GRIK2: variants seen among roughly 807,000 people sequenced by gnomAD.
GRIK2 encodes the protein glutamate receptor ionotropic, kainate 2.
In GRIK2, 32 loss-of-function variants were observed where a neutral mutation model predicts 100.3. The ratio of observed to expected loss-of-function variants is 0.32; its 90% CI spans 0.24 to 0.43. The LOEUF is 0.43. Among genes scored for constraint, GRIK2 ranks in the 20% least tolerant of loss-of-function variants. GRIK2 has a pLI of 1.00. For missense variants in GRIK2, 843 were observed against 1,114.9 expected (o/e 0.76, Z 3.47); for synonymous variants, 417 against 389.4 (o/e 1.07, Z -0.83).
chr6:101,961,461 C>A (rs1482643951), intron 14 of GRIK2, among the ~76,000 whole-genome samples: 1 of 152,124 alleles, frequency 6.6e-6, no homozygotes, highest in East Asian at 1.9e-4. Flanking sequence ...CAACGCCCCC[C>A]ACGAAAGAAC....
At chr6:101,997,340 C>G (rs1212914399) in intron 14 of GRIK2, among the ~76,000 whole-genome samples, 1 of 152,108 alleles carries the variant, frequency 6.6e-6, no homozygotes, top group Non-Finnish European at 1.5e-5. Flanking sequence ...ATGAACCACT[C>G]TAACGTACAT....
intron 2 of GRIK2, among the ~76,000 whole-genome samples, chr6:101,552,618 G>A (rs1319501359): frequency 6.6e-6 from 1 of 152,176 alleles, no homozygotes; most frequent in Non-Finnish European, 1.5e-5. Flanking sequence ...AAATATCAGT[G>A]TGTGCATTTA....
chr6:101,967,441 C>T (rs1279428210), intron 14 of GRIK2, among the ~76,000 whole-genome samples: 1 of 151,946 alleles, frequency 6.6e-6, no homozygotes, highest in African/African-American at 2.4e-5. Context: ...TACATAAGCA[C>T]TTTTTAAAAA....
At chr6:102,045,872 G>T (rs1018401471) in intron 15 of GRIK2, among the ~76,000 whole-genome samples, 1 of 152,024 alleles carries the variant, frequency 6.6e-6, no homozygotes, top group African/African-American at 2.4e-5. Context: ...TAATAACCTT[G>T]AATGTAAATT....
At chr6:101,799,609 T>A in intron 7 of GRIK2, 39 bp from the exon 8 acceptor site, 1 of 1,559,996 alleles carries the variant, frequency 6.4e-7, no homozygotes, top group South Asian at 1.1e-5. Flanking sequence ...GTTCTACAAG[T>A]TATATTGACT....
intron 12 of GRIK2, among the ~76,000 whole-genome samples, chr6:101,910,033 G>A (rs981543946): frequency 1.3e-5 from 2 of 150,648 alleles, no homozygotes; most frequent in South Asian, 2.1e-4. Flanking sequence ...TAAAAATAAT[G>A]TATTATTAAA....
At chr6:101,918,774 G>A (rs913639707) in intron 12 of GRIK2, among the ~76,000 whole-genome samples, 2 of 151,742 alleles carry the variant, frequency 1.3e-5, no homozygotes, top group Non-Finnish European at 2.9e-5. Flanking sequence ...TAATGCAAGT[G>A]CTAATAATAA....
At chr6:101,785,252 A>G (rs1163759854) in intron 7 of GRIK2, among the ~76,000 whole-genome samples, 1 of 152,038 alleles carries the variant, frequency 6.6e-6, no homozygotes, top group South Asian at 2.1e-4. Flanking sequence ...CTACCATTCA[A>G]CAGGTTATCT....
intron 2 of GRIK2, among the ~76,000 whole-genome samples, chr6:101,522,462 G>A (rs1353948128): frequency 6.6e-6 from 1 of 152,138 alleles, no homozygotes; most frequent in Non-Finnish European, 1.5e-5. Flanking sequence ...ATGAACTGCT[G>A]TCATTAATGT....
At chr6:101,494,846 T>A (rs1012086087) in intron 2 of GRIK2, among the ~76,000 whole-genome samples, 7 of 151,368 alleles carry the variant, frequency 4.6e-5, no homozygotes, top group African/African-American at 1.7e-4. Flanking sequence ...GGTGGTAGGA[T>A]CCTCTTGAGA....
At chr6:101,691,488 G>T (rs1176977764) in intron 7 of GRIK2, among the ~76,000 whole-genome samples, 3 of 151,764 alleles carry the variant, frequency 2.0e-5, no homozygotes, top group Admixed American at 6.6e-5. Flanking sequence ...GCTAAAGATG[G>T]GTTTTCACCA....
In GRIK2 at chr6:101,686,319, A is replaced by T. The variant is rs1399730350; in HGVS notation, c.917A>T (p.Lys306Ile). 1 of 1,613,532 alleles carries T rather than the reference A, an allele frequency of 6.2e-7. No individual in the cohort carries two copies. The highest frequency in any genetic ancestry group is 8.5e-7 in the Non-Finnish European group (1 of 1,179,574). ...ATGGAACGATTGCAGGCACCTCCGA[A>T]ACCCGATTCAGGTTTGCTGGATGGA... ...WSMERLQAPP[K>I]PDSGLLDGFM... The change falls in exon 7 of 17, where the codon AAA becomes ATA. Residue 306 changes from lysine (K) to isoleucine (I), a missense_variant. Lys to Ile is a moderately radical substitution (Grantham distance 102). Coordinates refer to ENST00000369134, the MANE Select transcript of GRIK2 (RefSeq NM_021956.5).
At chr6:101,918,470 A>C (rs1040967162) in intron 12 of GRIK2, among the ~76,000 whole-genome samples, 1 of 151,676 alleles carries the variant, frequency 6.6e-6, no homozygotes, top group African/African-American at 2.4e-5. Flanking sequence ...GTAGTAGATT[A>C]TTTTATATAT....
chr6:101,495,798 C>G (rs1022646873), intron 2 of GRIK2, among the ~76,000 whole-genome samples: 4 of 151,470 alleles, frequency 2.6e-5, no homozygotes, highest in African/African-American at 7.3e-5. Flanking sequence ...TTCCATTATA[C>G]AAACACACCT....
intron 7 of GRIK2, among the ~76,000 whole-genome samples, chr6:101,708,476 G>T (rs1773488321): frequency 6.6e-6 from 1 of 151,268 alleles, no homozygotes; most frequent in Non-Finnish European, 1.5e-5. Flanking sequence ...ATAATTTTTA[G>T]TGAGTAAATC....
intron 2 of GRIK2, among the ~76,000 whole-genome samples, chr6:101,504,664 AAAC>A (rs1773929730): frequency 6.6e-6 from 1 of 152,048 alleles, no homozygotes; most frequent in Non-Finnish European, 1.5e-5. Context: ...ACCTTTAGTT[AAAC>A]ATATTACATA....
At chr6:101,546,166 A>C (rs1776223048) in intron 2 of GRIK2, among the ~76,000 whole-genome samples, 1 of 152,164 alleles carries the variant, frequency 6.6e-6, no homozygotes, top group South Asian at 2.1e-4. Context: ...AGTGATGCTG[A>C]GCTGGAATAA....
At chr6:101,500,890 ATTCC>A (rs1773712334) in intron 2 of GRIK2, among the ~76,000 whole-genome samples, 1 of 152,084 alleles carries the variant, frequency 6.6e-6, no homozygotes, top group Non-Finnish European at 1.5e-5. Flanking sequence ...AATATAAGTT[ATTCC>A]AAATGTTTAG....
At chr6:101,556,352 T>TTTTTTTTTTTA (rs1776749737) in intron 2 of GRIK2, among the ~76,000 whole-genome samples, 1 of 117,408 alleles carries the variant, frequency 8.5e-6, no homozygotes, top group African/African-American at 3.4e-5. Flanking sequence ...TTTTTTTTTT[T>TTTTTTTTTTTA]GAGACCGAGT....
Sources: gnomAD v4.1 joint callset for allele counts (sites outside exome capture counted in the v4.1 genomes callset) on GRCh38, gnomAD v4.1.1 for gene constraint, MANE v1.5 for transcripts, NCBI Gene and HGNC (gene_info 2026-07-23, HGNC 2026-07-21) for gene names.